TMEM117: variants seen among roughly 807,000 people sequenced by gnomAD.
TMEM117 encodes transmembrane protein 117.
In TMEM117, 27 loss-of-function variants were observed where a neutral mutation model predicts 52.4. The observed-to-expected ratio is 0.51, with a 90% CI of 0.38 to 0.71. The LOEUF (loss-of-function observed/expected upper bound fraction) is 0.71, where lower values mean the gene tolerates loss of function less well. TMEM117 is among the 30% of genes least tolerant of loss of function. The pLI, the probability that TMEM117 is intolerant of heterozygous loss-of-function variation, is 0.00. For missense variants in TMEM117, 556 were observed against 630.5 expected, an observed-to-expected ratio of 0.88 and a Z score of 1.26; for synonymous variants, 215 against 206.3, an observed-to-expected ratio of 1.04 and a Z score of -0.36.
chr12:44,176,875 A>G (rs2138299800), intron 4 of TMEM117, among the ~76,000 whole-genome samples: 1 of 152,268 alleles, frequency 6.6e-6, no homozygotes, highest in Non-Finnish European at 1.5e-5. Flanking sequence ...TCCTCACAGA[A>G]TTTTATAAAA....
chr12:44,294,941 G>T (rs1950748400), intron 5 of TMEM117, among the ~76,000 whole-genome samples: 2 of 152,158 alleles, frequency 1.3e-5, no homozygotes, highest in South Asian at 4.1e-4. Context: ...GTAGGTAAAT[G>T]AAAGCATTGA....
intron 3 of TMEM117, among the ~76,000 whole-genome samples, chr12:44,037,487 C>T (rs1214161642): frequency 1.3e-5 from 2 of 152,148 alleles, no homozygotes; most frequent in Non-Finnish European, 2.9e-5. Flanking sequence ...GCACTGACAA[C>T]CTCCTGTCAT....
intron 3 of TMEM117, among the ~76,000 whole-genome samples, chr12:44,114,058 G>A (rs1333709915): frequency 6.7e-6 from 1 of 148,356 alleles, no homozygotes; most frequent in East Asian, 2.0e-4. Context: ...GCCTCGCCCT[G>A]CTTCGGCTCG....
chr12:43,986,667 A>G (rs763018417), intron 3 of TMEM117, among the ~76,000 whole-genome samples: 12 of 152,252 alleles, frequency 7.9e-5, no homozygotes, highest in Non-Finnish European at 1.0e-4. Context: ...CTCTTTAACT[A>G]TTACCTCTCA....
chr12:44,182,072 T>C lies in TMEM117; in HGVS notation c.511-29218T>C, dbSNP rs1211113220. Among the ~76,000 whole-genome samples, 134 of 151,476 alleles carry C rather than the reference T, an allele frequency of 8.8e-4. 1 individual carries two copies. Among genetic ancestry groups the C allele is most frequent in the African/African-American group, 3.1e-3 (127 of 40,782 alleles). ...TTCTCCTTGAAGAGGTCCTTTGCAT[T>C]CCTTGTAAGTTGGATTCCTAGGTAT... On this transcript the variant is annotated intron_variant, in intron 4 of 7. Coordinates refer to ENST00000266534, the MANE Select transcript of TMEM117 (RefSeq NM_032256.3).
At chr12:44,184,132 G>C (rs972794374) in intron 4 of TMEM117, among the ~76,000 whole-genome samples, 7 of 152,106 alleles carry the variant, frequency 4.6e-5, no homozygotes, top group Non-Finnish European at 1.0e-4. Context: ...GATCACTTGA[G>C]GTCAGGAGTT....
At chr12:44,149,864 T>C (rs1452788810) in intron 4 of TMEM117, among the ~76,000 whole-genome samples, 1 of 152,156 alleles carries the variant, frequency 6.6e-6, no homozygotes, top group African/African-American at 2.4e-5. Context: ...AAAGTAGCAA[T>C]AACAGTTTAA....
At chr12:44,367,599 C>T (rs776630565) in intron 6 of TMEM117, among the ~76,000 whole-genome samples, 39 of 152,108 alleles carry the variant, frequency 2.6e-4, no homozygotes, top group African/African-American at 8.9e-4. Context: ...TGATTTTATC[C>T]GATTCTGTGG....
chr12:44,027,449 C>G lies in TMEM117; in HGVS notation c.410+83107C>G, dbSNP rs567078434. Among the ~76,000 whole-genome samples the G allele has an allele frequency of 2.0e-5, 3 of 152,232 alleles. No homozygotes were observed. The South Asian group carries it at 6.2e-4, about 32-fold the overall frequency. On this transcript the variant is annotated intron_variant, in intron 3 of 7. Transcript: ENST00000266534. ...TTGGCCTCCCAAAATGCTGGGATTA[C>G]AGGCATGAGCCATCGCATCTGGCCT...
intron 3 of TMEM117, among the ~76,000 whole-genome samples, chr12:43,989,844 G>T (rs1485203992): frequency 1.3e-5 from 2 of 152,006 alleles, no homozygotes; most frequent in Non-Finnish European, 2.9e-5. Context: ...TAAGAACTTA[G>T]ATCTTAAAAT....
intron 5 of TMEM117, among the ~76,000 whole-genome samples, chr12:44,261,044 A>T (rs549892833): frequency 1.3e-5 from 2 of 152,358 alleles, no homozygotes; most frequent in East Asian, 3.9e-4. Context: ...TTGGATTTTT[A>T]AAATAGATTT....
At chr12:44,249,340 A>G (rs1211262088) in intron 5 of TMEM117, among the ~76,000 whole-genome samples, 1 of 152,200 alleles carries the variant, frequency 6.6e-6, no homozygotes, top group Non-Finnish European at 1.5e-5. Flanking sequence ...AACGGGTAAA[A>G]TTCCAAATAT....
the TMEM117 span, among the ~76,000 whole-genome samples, chr12:43,821,425 C>T: frequency 6.6e-6 from 1 of 152,140 alleles, no homozygotes; most frequent in African/African-American, 2.4e-5. Flanking sequence ...GGACTACAGG[C>T]ACACACCACC....
At chr12:44,276,560 T>C (rs563121026) in intron 5 of TMEM117, among the ~76,000 whole-genome samples, 1 of 152,184 alleles carries the variant, frequency 6.6e-6, no homozygotes, top group African/African-American at 2.4e-5. Context: ...GTTTAATAGA[T>C]CTACTGTATA....
chr12:43,902,804 A>G (rs1944326209), intron 2 of TMEM117, among the ~76,000 whole-genome samples: 2 of 152,228 alleles, frequency 1.3e-5, no homozygotes. Context: ...TTACTTGCAT[A>G]TTAGTAAATA....
At chr12:44,057,878 A>G (rs1315404785) in intron 3 of TMEM117, among the ~76,000 whole-genome samples, 1 of 152,198 alleles carries the variant, frequency 6.6e-6, no homozygotes, top group Admixed American at 6.5e-5. Flanking sequence ...TTTCTTCTGT[A>G]TGAAATGGTG....
At chr12:44,298,897 A>T (rs1445481923) in intron 5 of TMEM117, among the ~76,000 whole-genome samples, 1 of 150,540 alleles carries the variant, frequency 6.6e-6, no homozygotes, top group African/African-American at 2.5e-5. Context: ...AGGATAATGG[A>T]ATCCAAAGAT....
intron 3 of TMEM117, among the ~76,000 whole-genome samples, chr12:44,087,577 C>T (rs60939199): frequency 0.11 from 17,204 of 152,012 alleles, 1,051 homozygotes; most frequent in Middle Eastern, 0.21. Context: ...ATGGCCCCAC[C>T]TCAGCCTGCC....
intron 6 of TMEM117, among the ~76,000 whole-genome samples, chr12:44,330,187 T>C (rs1951250344): frequency 6.6e-6 from 1 of 152,112 alleles, no homozygotes; most frequent in African/African-American, 2.4e-5. Flanking sequence ...ATTGTAGCCA[T>C]CTTACTGAAT....
Sources: gnomAD v4.1 joint callset for allele counts (sites outside exome capture counted in the v4.1 genomes callset) on GRCh38, gnomAD v4.1.1 for gene constraint, MANE v1.5 for transcripts, NCBI Gene and HGNC (gene_info 2026-07-23, HGNC 2026-07-21) for gene names.